Variants in SLC20A2 observed in about 807,000 individuals in gnomAD.
SLC20A2 encodes solute carrier family 20 member 2, also known as sodium-dependent phosphate transporter 2.
A neutral mutation model predicts 61.0 loss-of-function variants in SLC20A2; 30 were observed. The ratio of observed to expected loss-of-function variants is 0.49; its 90% CI spans 0.37 to 0.67. The LOEUF (loss-of-function observed/expected upper bound fraction) is 0.67. Among genes scored for constraint, SLC20A2 ranks in the 30% least tolerant of loss-of-function variants. SLC20A2 has a pLI of 0.00. For missense variants in SLC20A2, 626 were observed against 866.4 expected, an observed-to-expected ratio of 0.72 and a Z score of 3.48; for synonymous variants, 351 against 353.3, an observed-to-expected ratio of 0.99 and a Z score of 0.07.
chr8:42,500,098 G>C (rs1810223421), intron 1 of SLC20A2, among the ~76,000 whole-genome samples: 1 of 152,190 alleles, frequency 6.6e-6, no homozygotes, highest in Non-Finnish European at 1.5e-5. Context: ...CCTTGCTCTA[G>C]AGATGACAGG....
chr8:42,520,643 G>A (rs892139053), intron 1 of SLC20A2, among the ~76,000 whole-genome samples: 3,365 of 116,372 alleles, frequency 0.029, 471 homozygotes, highest in African/African-American at 0.082. Context: ...GGAGAAGGGC[G>A]TGAACCCGGG....
rs114915617 is a variant in SLC20A2 at position 42,525,260 on chromosome 8, A to G, written c.-265+16561T>C. Among the ~76,000 whole-genome samples the G allele has an allele frequency of 7.4e-3, 1,125 of 152,278 alleles. 10 individuals are homozygous for G. The highest frequency in any genetic ancestry group is 0.026 in the African/African-American group (1,075 of 41,544). On this transcript the variant is annotated intron_variant, in intron 1 of 10. Coordinates refer to the SLC20A2 transcript ENST00000342228. ...ATGCTCACGCCTCTGAAATCTGCTT[A>G]CGTATTATTAAGAGTCACATATCAC...
chr8:42,503,078 G>A (rs1185244491), upstream of SLC20A2, among the ~76,000 whole-genome samples: 1 of 152,190 alleles, frequency 6.6e-6, no homozygotes, highest in Non-Finnish European at 1.5e-5. Context: ...CAATGCTCCG[G>A]TTCCTCACAT....
At chr8:42,527,468 AAC>A (rs1282663117) in intron 1 of SLC20A2, among the ~76,000 whole-genome samples, 3 of 152,086 alleles carry the variant, frequency 2.0e-5, no homozygotes, top group African/African-American at 7.2e-5. Flanking sequence ...TTTTCTTAAA[AAC>A]AGTTCATTTT....
At chr8:42,476,617 G>C (rs933109540) in intron 1 of SLC20A2, among the ~76,000 whole-genome samples, 5 of 152,120 alleles carry the variant, frequency 3.3e-5, no homozygotes, top group Non-Finnish European at 5.9e-5. Context: ...GTTCCCCTTG[G>C]CACTGTGTCA....
At chr8:42,427,497 GA>G (rs1463694197) in intron 10 of SLC20A2, among the ~76,000 whole-genome samples, 1 of 152,222 alleles carries the variant, frequency 6.6e-6, no homozygotes, top group East Asian at 1.9e-4. Flanking sequence ...TGTGGAGAGG[GA>G]ACGGTGTGCC....
At position 42,465,866 on chromosome 8, in the gene SLC20A2, C is replaced by G. The variant is rs1381618685; in HGVS notation, c.341G>C (p.Gly114Ala). 1 of 1,613,844 alleles carries G rather than the reference C, an allele frequency of 6.2e-7. No individual in the cohort carries two copies. Among genetic ancestry groups the G allele is most frequent in the Non-Finnish European group, 8.5e-7 (1 of 1,179,920 alleles). The part of the protein sequence containing the change: ...IASFLRLPIS[G>A]THCIVGSTIG... ...AGTAGAACCCACAATGCAGTGCGTTCCTGAGATTGGAAGCCTCAGGAAGGA... is the reference window on the plus strand; with the variant it reads ...AGTAGAACCCACAATGCAGTGCGTTGCTGAGATTGGAAGCCTCAGGAAGGA... Residue 114 changes from glycine (G) to alanine (A), a missense_variant, in exon 3 of 11, where the codon GGA (glycine) becomes GCA (alanine). This residue lies in a region of SLC20A2 where 127 missense variants were observed against 215.4 expected (regional missense o/e 0.59). Coordinates refer to ENST00000520262, the MANE Select transcript of SLC20A2 (RefSeq NM_001257180.2).
At chr8:42,538,483 G>A (rs1275487726) in intron 1 of SLC20A2, among the ~76,000 whole-genome samples, 1 of 151,984 alleles carries the variant, frequency 6.6e-6, no homozygotes, top group Non-Finnish European at 1.5e-5. Flanking sequence ...AGATTGCAGA[G>A]AAAGTCAGGC....
chr8:42,538,230 T>TTA (rs1053121674), intron 1 of SLC20A2: 5 of 148,374 alleles, frequency 3.4e-5, no homozygotes, highest in African/African-American at 1.2e-4. Context: ...TACATGTATA[T>TTA]TATATATATT....
At chr8:42,430,510 G>A (rs1049837828) in intron 8 of SLC20A2, among the ~76,000 whole-genome samples, 8 of 152,048 alleles carry the variant, frequency 5.3e-5, no homozygotes, top group Non-Finnish European at 7.4e-5. Flanking sequence ...CTACAGCCGC[G>A]GGCCACCACA....
chr8:42,481,407 G>A (rs1249000678), intron 1 of SLC20A2, among the ~76,000 whole-genome samples: 1 of 152,126 alleles, frequency 6.6e-6, no homozygotes, highest in Non-Finnish European at 1.5e-5. Flanking sequence ...AGGAAGTGAT[G>A]CTCCTGGCTG....
intron 1 of SLC20A2, among the ~76,000 whole-genome samples, chr8:42,493,050 T>C (rs902007850): frequency 6.6e-5 from 10 of 152,158 alleles, no homozygotes; most frequent in African/African-American, 2.4e-4. Flanking sequence ...AATTTCAGCC[T>C]CAATGCCCAA....
intron 1 of SLC20A2, among the ~76,000 whole-genome samples, chr8:42,491,995 A>G (rs1408950579): frequency 6.6e-6 from 1 of 152,264 alleles, no homozygotes; most frequent in East Asian, 1.9e-4. Context: ...ACAGTACTCT[A>G]TTCATTGAAT....
intron 1 of SLC20A2, among the ~76,000 whole-genome samples, chr8:42,533,556 C>A (rs1373173172): frequency 2.6e-5 from 4 of 151,440 alleles, no homozygotes; most frequent in Non-Finnish European, 1.5e-5. Flanking sequence ...GTGGAGGTTA[C>A]AGAGTAGGTT....
At chr8:42,503,588 A>C (rs1412778071), upstream of SLC20A2, among the ~76,000 whole-genome samples, 3 of 152,232 alleles carry the variant, frequency 2.0e-5, no homozygotes, top group Non-Finnish European at 4.4e-5. Context: ...AGATATGATC[A>C]TTTTAATGTG....
intron 1 of SLC20A2, among the ~76,000 whole-genome samples, chr8:42,476,535 G>A (rs1439361069): frequency 1.3e-5 from 2 of 152,196 alleles, no homozygotes; most frequent in East Asian, 3.9e-4. Context: ...GGTGGGAAGA[G>A]CGGCTGGCAC....
chr8:42,484,828 G>T, intron 1 of SLC20A2: 1 of 332,434 alleles, frequency 3.0e-6, no homozygotes, highest in East Asian at 8.9e-5. Context: ...CAGACCCCGA[G>T]GGCATCCAGC....
Position 42,465,826 on chromosome 8 carries a change from C to T in SLC20A2, c.381G>A (p.Leu127=), listed in dbSNP as rs777319817. The stretch of plus-strand genomic sequence containing the variant: ...GCACACCTTTGGTACCGATTGCGAC[C>T]AGTGAGAATCCTATAGTAGAACCCA... ...CIVGSTIGFS[L]VAIGTKGVQW... Residue 127 remains leucine (L), a synonymous_variant, in exon 3 of 11, where the codon CTG becomes CTA. Transcript: ENST00000520262. 6.2e-7 allele frequency: 1 copy of T among 1,613,980 alleles called. No individual in the cohort carries two copies. The highest frequency in any genetic ancestry group is 8.5e-7 in the Non-Finnish European group (1 of 1,179,992).
chr8:42,474,034 G>C (rs552595567), intron 1 of SLC20A2, among the ~76,000 whole-genome samples: 96 of 152,240 alleles, frequency 6.3e-4, no homozygotes, highest in Middle Eastern at 6.8e-3. Context: ...TGCTGGGCCT[G>C]GTGGCAGATG....
Sources: allele counts gnomAD v4.1 joint callset (sites outside exome capture counted in the v4.1 genomes callset), GRCh38; gene constraint gnomAD v4.1.1; regional missense constraint gnomAD v4.1.1; transcripts MANE v1.5; gene names NCBI Gene and HGNC (gene_info 2026-07-23, HGNC 2026-07-21).